Variants in KIF26B observed in about 807,000 individuals in gnomAD.
KIF26B encodes kinesin-like protein KIF26B.
Under a neutral mutation model 151.2 loss-of-function variants are expected in KIF26B, and 63 were observed. That is an observed-to-expected ratio of 0.42 (90% confidence interval 0.34 to 0.51). The LOEUF (loss-of-function observed/expected upper bound fraction) is 0.51. Among genes scored for constraint, KIF26B ranks in the 20% least tolerant of loss-of-function variants. The probability of loss-of-function intolerance (pLI) is 0.07; values close to 1 mark genes in which losing one functional copy is unlikely to be tolerated. For synonymous variants in KIF26B, 1,357 were observed against 1,262.1 expected (o/e 1.08, Z -1.59); for missense variants, 2,813 against 2,913.6 (o/e 0.97, Z 0.79).
At chr1:245,656,266 G>C (rs538811075) in intron 10 of KIF26B, among the ~76,000 whole-genome samples, 31 of 152,208 alleles carry the variant, frequency 2.0e-4, no homozygotes, top group African/African-American at 7.2e-4. Flanking sequence ...GGCACAGAGC[G>C]GTGATTCTCA....
chr1:245,374,095 ATATATATATATAT>A (rs376958382), intron 3 of KIF26B, among the ~76,000 whole-genome samples: 3 of 4,312 alleles, frequency 7.0e-4, no homozygotes, highest in Non-Finnish European at 8.8e-4. Context: ...AAAAAAAAAA[ATATATATATATAT>A]ATATATATAT....
intron 2 of KIF26B, among the ~76,000 whole-genome samples, chr1:245,222,827 A>C (rs1669801308): frequency 6.6e-6 from 1 of 152,236 alleles, no homozygotes; most frequent in Non-Finnish European, 1.5e-5. Context: ...TATTAAGTGC[A>C]AAAAACGTTA....
At chr1:245,215,233 G>C (rs1669620236) in intron 2 of KIF26B, among the ~76,000 whole-genome samples, 2 of 152,120 alleles carry the variant, frequency 1.3e-5, no homozygotes, top group South Asian at 2.1e-4. Context: ...GGGAGGAAGG[G>C]TGGCCGAGTA....
At position 245,598,220 on chromosome 1, in the gene KIF26B, C is replaced by T. The variant is rs909576771; in HGVS notation, c.1351-4357C>T. Among the ~76,000 whole-genome samples the T allele has an allele frequency of 5.3e-5, 8 of 152,228 alleles. No individual in the cohort carries two copies. In the South Asian group the frequency reaches 1.2e-3, roughly 24 times the overall value. On this transcript the variant is annotated intron_variant, in intron 5 of 14. Coordinates refer to ENST00000407071, the MANE Select transcript of KIF26B (RefSeq NM_018012.4). ...CTGGGCATTTATTGTGGCCAAGACT[C>T]GGGTTCCTGTGTGTCTGTAGAGGGC...
At chr1:245,470,830 C>A (rs892149111) in intron 4 of KIF26B, among the ~76,000 whole-genome samples, 14 of 152,262 alleles carry the variant, frequency 9.2e-5, no homozygotes, top group African/African-American at 3.4e-4. Flanking sequence ...AATTTGAAAT[C>A]ATCTCTATGT....
At chr1:245,520,114 T>TGAGAGAGAGAGAGAGAGAGAGAGAGA (rs10650644) in intron 4 of KIF26B, among the ~76,000 whole-genome samples, 8 of 132,520 alleles carry the variant, frequency 6.0e-5, no homozygotes, top group East Asian at 2.2e-4. Flanking sequence ...CTCAACTAAC[T>TGAGAGAGAGAGAGAGAGAGAGAGAGA]GAGAGAGAGA....
chr1:245,622,359 G>A (rs778616262), intron 9 of KIF26B, among the ~76,000 whole-genome samples: 2 of 152,104 alleles, frequency 1.3e-5, no homozygotes, highest in South Asian at 2.1e-4. Flanking sequence ...TTTTTTCTCA[G>A]TACTAGATAT....
At chr1:245,213,777 G>A (rs1401512705) in intron 2 of KIF26B, among the ~76,000 whole-genome samples, 3 of 152,212 alleles carry the variant, frequency 2.0e-5, no homozygotes, top group Non-Finnish European at 4.4e-5. Context: ...GATGAAAGAT[G>A]TGGTGCCCCA....
chr1:245,456,273 G>A (rs927657403), intron 4 of KIF26B, among the ~76,000 whole-genome samples: 10 of 152,202 alleles, frequency 6.6e-5, no homozygotes, highest in Admixed American at 2.6e-4. Flanking sequence ...ATACCTTATC[G>A]TTGTATATTT....
chr1:245,184,483 T>G (rs1213370272), intron 2 of KIF26B, among the ~76,000 whole-genome samples: 1 of 152,206 alleles, frequency 6.6e-6, no homozygotes, highest in African/African-American at 2.4e-5. Context: ...AATGTGTCTT[T>G]ATAATCTCTG....
In KIF26B at chr1:245,241,962, C is replaced by G. The variant is rs376288537; in HGVS notation, c.465+85279C>G. Among the ~76,000 whole-genome samples the G allele has an allele frequency of 2.0e-5, 3 of 152,196 alleles. No homozygotes were observed. The highest frequency in any genetic ancestry group is 7.2e-5 in the African/African-American group (3 of 41,446). ...GCGTTGTCATTCCTTGAAATTCTCACGCCTTCTAGATCCTCTGTGCTTTTC... is the reference window on the plus strand; with the variant it reads ...GCGTTGTCATTCCTTGAAATTCTCAGGCCTTCTAGATCCTCTGTGCTTTTC... On this transcript the variant is annotated intron_variant, in intron 2 of 14. Transcript: ENST00000407071. This position sits in a 1 kb window ranked among gnomAD's most constrained non-coding sequence, Gnocchi z 5.0.
intron 4 of KIF26B, among the ~76,000 whole-genome samples, chr1:245,454,242 G>T (rs943527600): frequency 2.6e-5 from 4 of 152,242 alleles, no homozygotes; most frequent in Non-Finnish European, 2.9e-5. Flanking sequence ...TAACCTTATA[G>T]CCTCTAACTT....
At chr1:245,600,262 T>A (rs1166611652) in intron 5 of KIF26B, among the ~76,000 whole-genome samples, 1 of 132,420 alleles carries the variant, frequency 7.6e-6, no homozygotes, top group Admixed American at 7.6e-5. Flanking sequence ...ATGGTCTCTA[T>A]CTCCTGACCT....
In KIF26B at chr1:245,199,340, G is replaced by C. The variant is rs529232122; in HGVS notation, c.465+42657G>C. Among the ~76,000 whole-genome samples the C allele has an allele frequency of 1.6e-3, 243 of 152,224 alleles. 1 individual carries two copies. The highest frequency in any genetic ancestry group is 4.4e-3 in the South Asian group (21 of 4,814). ...CCCTCCCTCCTCCCTTCTTGAGGGT[G>C]GTGGTGCTCAGGGTGTATGTTGGAT... is the stretch of plus-strand genomic sequence containing the variant. On this transcript the variant is annotated intron_variant, in intron 2 of 14. Coordinates refer to ENST00000407071, the MANE Select transcript of KIF26B (RefSeq NM_018012.4).
chr1:245,476,016 A>G (rs1168857892), intron 4 of KIF26B, among the ~76,000 whole-genome samples: 1 of 151,912 alleles, frequency 6.6e-6, no homozygotes, highest in East Asian at 1.9e-4. Context: ...CCAAAGGTCT[A>G]TCCCTGATGC....
chr1:245,376,728 C>T (rs1173666), intron 3 of KIF26B, among the ~76,000 whole-genome samples: 69,290 of 151,998 alleles, frequency 0.46, 16,731 homozygotes, highest in Admixed American at 0.54. Context: ...TGCTCTATCA[C>T]CCAGGCTGGA....
intron 2 of KIF26B, chr1:245,226,201 C>T (rs1297648223): frequency 6.6e-6 from 1 of 152,238 alleles, no homozygotes; most frequent in Non-Finnish European, 1.5e-5. Flanking sequence ...GAGTCGTCCA[C>T]CAGTGACAGC....
intron 4 of KIF26B, among the ~76,000 whole-genome samples, chr1:245,468,452 T>C (rs1659841745): frequency 6.6e-6 from 1 of 152,200 alleles, no homozygotes; most frequent in Admixed American, 6.5e-5. Context: ...TCAGGCATCC[T>C]TTTTATAGAG....
chr1:245,661,819 G>GAT (rs1224962548), intron 10 of KIF26B, among the ~76,000 whole-genome samples: 2 of 125,284 alleles, frequency 1.6e-5, no homozygotes, highest in Non-Finnish European at 3.4e-5. Flanking sequence ...TACACCCAAT[G>GAT]ATATATATAT....
Sources: gnomAD v4.1 joint callset for allele counts (sites outside exome capture counted in the v4.1 genomes callset) on GRCh38, gnomAD v4.1.1 for gene constraint, Gnocchi (gnomAD v3.1) non-coding constraint, MANE v1.5 for transcripts, NCBI Gene and HGNC (gene_info 2026-07-23, HGNC 2026-07-21) for gene names.